Variants in TASP1 observed in about 807,000 individuals in gnomAD.
TASP1 encodes the protein threonine aspartase 1.
A neutral mutation model predicts 56.6 loss-of-function variants in TASP1; 16 were observed. That is an observed-to-expected ratio of 0.28 (90% CI 0.19 to 0.43). The LOEUF is 0.43. TASP1 is among the 20% of genes least tolerant of loss of function. The pLI is 1.00. For synonymous variants in TASP1, 179 were observed against 184.2 expected (o/e 0.97, Z 0.23); for missense variants, 393 against 511.6 (o/e 0.77, Z 2.24).
chr20:13,574,658 T>A (rs1213250185), intron 6 of TASP1, among the ~76,000 whole-genome samples: 7 of 152,110 alleles, frequency 4.6e-5, no homozygotes, highest in African/African-American at 1.7e-4. Flanking sequence ...AAATCAAACT[T>A]GTAGAGATAA....
chr20:13,410,604 T>G (rs552986814), intron 13 of TASP1, among the ~76,000 whole-genome samples: 5 of 152,330 alleles, frequency 3.3e-5, no homozygotes, highest in South Asian at 2.1e-4. Context: ...TTGTCACATG[T>G]CTGTTGGCCA....
At chr20:13,442,161 A>C (rs1285144663) in intron 11 of TASP1, among the ~76,000 whole-genome samples, 1 of 151,984 alleles carries the variant, frequency 6.6e-6, no homozygotes. Flanking sequence ...TCTGTTCTTT[A>C]ACTCCAGTGC....
intron 6 of TASP1, among the ~76,000 whole-genome samples, chr20:13,576,297 GGAGA>G (rs766413714): frequency 1.4e-3 from 197 of 141,330 alleles, no homozygotes; most frequent in African/African-American, 4.5e-3. Context: ...AGGAAGGGAA[GGAGA>G]GAGAGAGAGA....
chr20:13,342,955 A>C, the TASP1 span, among the ~76,000 whole-genome samples: 1 of 152,158 alleles, frequency 6.6e-6, no homozygotes, highest in Non-Finnish European at 1.5e-5. Flanking sequence ...ATAGGAAGGA[A>C]TGTCCCAAAA....
the TASP1 span, among the ~76,000 whole-genome samples, chr20:13,367,520 C>T: frequency 5.3e-5 from 8 of 152,156 alleles, no homozygotes; most frequent in Non-Finnish European, 7.3e-5. Context: ...ATTGGATATC[C>T]TTTAATGTGC....
chr20:13,469,935 A>C (rs750961853), intron 11 of TASP1, among the ~76,000 whole-genome samples: 5 of 148,722 alleles, frequency 3.4e-5, no homozygotes, highest in Admixed American at 2.0e-4. Context: ...CAGCCTCCCG[A>C]GTAGCAGGAA....
the TASP1 span, among the ~76,000 whole-genome samples, chr20:13,146,614 T>C: frequency 6.6e-6 from 1 of 152,184 alleles, no homozygotes; most frequent in South Asian, 2.1e-4. Flanking sequence ...AATAATACTA[T>C]GCAAATGTCT....
the TASP1 span, among the ~76,000 whole-genome samples, chr20:13,330,887 C>T: frequency 6.6e-6 from 1 of 152,076 alleles, no homozygotes; most frequent in Non-Finnish European, 1.5e-5. Flanking sequence ...TTTGTCTTCT[C>T]TCCCTTTTTT....
chr20:13,460,491 C>T (rs1746209106), intron 11 of TASP1, among the ~76,000 whole-genome samples: 2 of 152,154 alleles, frequency 1.3e-5, no homozygotes, highest in African/African-American at 2.4e-5. Flanking sequence ...TTTATTTTAG[C>T]TCAGGCCTTA....
At chr20:13,196,552 C>A in the TASP1 span, among the ~76,000 whole-genome samples, 1 of 151,992 alleles carries the variant, frequency 6.6e-6, no homozygotes. Context: ...TAGCCGCCAG[C>A]CACATAAGGA....
intron 4 of TASP1, among the ~76,000 whole-genome samples, chr20:13,602,902 T>C (rs567317629): frequency 2.0e-5 from 3 of 152,280 alleles, no homozygotes; most frequent in Non-Finnish European, 4.4e-5. Context: ...ACAATTGTTT[T>C]GTAAATCTTT....
intron 12 of TASP1, among the ~76,000 whole-genome samples, chr20:13,422,103 C>G (rs1164048231): frequency 6.6e-6 from 1 of 151,920 alleles, no homozygotes; most frequent in African/African-American, 2.4e-5. Flanking sequence ...AGGCGCCCAC[C>G]ACCACGCCCG....
intron 6 of TASP1, among the ~76,000 whole-genome samples, chr20:13,578,844 T>G (rs2047017329): frequency 6.6e-6 from 1 of 152,200 alleles, no homozygotes; most frequent in African/African-American, 2.4e-5. Flanking sequence ...TTAATTACTA[T>G]AGTATTATAT....
the TASP1 span, among the ~76,000 whole-genome samples, chr20:13,235,095 C>T: frequency 5.3e-5 from 8 of 152,294 alleles, no homozygotes; most frequent in South Asian, 2.1e-4. Flanking sequence ...CAAATCTCAA[C>T]GGTCTGCAAT....
At chr20:13,489,140 GA>G (rs2043430765) in intron 10 of TASP1, among the ~76,000 whole-genome samples, 1 of 152,086 alleles carries the variant, frequency 6.6e-6, no homozygotes, top group African/African-American at 2.4e-5. Flanking sequence ...TAGGTGAAAG[GA>G]ACAAACCTAG....
chr20:13,489,686 A>C lies in TASP1; in HGVS notation c.875-6349T>G, dbSNP rs78561630. On this transcript the variant is annotated intron_variant, in intron 10 of 13. Transcript: ENST00000337743. ...CACGAGGTTTTCTAATTTAAGTTTA[A>C]ATTTAAAAACCTGCCGCTTTAGCAA... is the stretch of plus-strand genomic sequence containing the variant. 7.3e-3 allele frequency among the ~76,000 whole-genome samples: 1,112 copies of C among 152,214 alleles called. 13 individuals carry two copies. The highest frequency in any genetic ancestry group is 0.025 in the African/African-American group (1,055 of 41,538).
At chr20:13,160,090 G>C in the TASP1 span, 1 of 1,613,924 alleles carries the variant, frequency 6.2e-7, no homozygotes. Context: ...CTCGGGCTCG[G>C]TTTTGTGTTT....
chr20:13,510,685 T>C (rs770196674), intron 10 of TASP1, among the ~76,000 whole-genome samples: 42 of 152,160 alleles, frequency 2.8e-4, no homozygotes, highest in Non-Finnish European at 5.6e-4. Context: ...TCTACCTTCA[T>C]TGAGGGAAGA....
At chr20:13,519,196 G>A (rs762073523) in intron 10 of TASP1, among the ~76,000 whole-genome samples, 1 of 152,092 alleles carries the variant, frequency 6.6e-6, no homozygotes, top group Non-Finnish European at 1.5e-5. Flanking sequence ...GAAAGAAGAG[G>A]CACAAGGGTT....
Sources: allele counts gnomAD v4.1 joint callset (sites outside exome capture counted in the v4.1 genomes callset), GRCh38; gene constraint gnomAD v4.1.1; transcripts MANE v1.5; gene names NCBI Gene and HGNC (gene_info 2026-07-23, HGNC 2026-07-21).